BMPR1B: variants seen among roughly 807,000 people sequenced by gnomAD.
The protein encoded by BMPR1B is bone morphogenetic protein receptor type-1B.
Under a neutral mutation model 59.1 loss-of-function variants are expected in BMPR1B, and 12 were observed. The ratio of observed to expected loss-of-function variants is 0.20; its 90% CI spans 0.13 to 0.33. The LOEUF (loss-of-function observed/expected upper bound fraction) is 0.33. BMPR1B is among the 10% of genes least tolerant of loss of function. The pLI, the probability that BMPR1B is intolerant of heterozygous loss-of-function variation, is 1.00. For missense variants in BMPR1B, 550 were observed against 610.9 expected, an observed-to-expected ratio of 0.90 and a Z score of 1.05; for synonymous variants, 237 against 207.3, an observed-to-expected ratio of 1.14 and a Z score of -1.23.
chr4:94,841,487 G>A (rs982674398), intron 1 of BMPR1B, among the ~76,000 whole-genome samples: 3 of 152,184 alleles, frequency 2.0e-5, no homozygotes, highest in South Asian at 2.1e-4. Context: ...TAAGCCGGTC[G>A]GAAAAGCGCA....
intron 2 of BMPR1B, among the ~76,000 whole-genome samples, chr4:94,886,495 A>AT (rs1166446608): frequency 5.3e-5 from 8 of 152,202 alleles, no homozygotes; most frequent in Non-Finnish European, 1.2e-4. Context: ...TTTATGTTGT[A>AT]TATTATGCTA....
At chr4:94,823,099 T>C (rs1287159059) in intron 1 of BMPR1B, among the ~76,000 whole-genome samples, 1 of 152,102 alleles carries the variant, frequency 6.6e-6, no homozygotes, top group Non-Finnish European at 1.5e-5. Context: ...ACTATAAGCT[T>C]TCCTGTTAAC....
intron 2 of BMPR1B, 33 bp downstream of exon 2, chr4:94,875,933 A>G (rs1726709607): frequency 6.6e-6 from 1 of 152,498 alleles, no homozygotes; most frequent in South Asian, 2.1e-4. Flanking sequence ...ATAATTTGAG[A>G]TGTTTGGTAG....
At chr4:94,908,072 AAAAAAAAAAAAAAAAAAAGAAAAAAC>A (rs1468465625) in intron 2 of BMPR1B, among the ~76,000 whole-genome samples, 3 of 128,540 alleles carry the variant, frequency 2.3e-5, no homozygotes, top group Non-Finnish European at 4.8e-5. Flanking sequence ...AAAAAAAAAA[AAAAAAAAAAAAAAAAAAAGAAAAAAC>A]AAAAAAAAGT....
chr4:95,078,669 C>T (rs1040809909), intron 3 of BMPR1B, among the ~76,000 whole-genome samples: 4 of 152,208 alleles, frequency 2.6e-5, no homozygotes, highest in Non-Finnish European at 5.9e-5. Flanking sequence ...TCAGAACCCT[C>T]TCACATGCAT....
intron 1 of BMPR1B, among the ~76,000 whole-genome samples, chr4:94,840,592 G>A (rs1725018362): frequency 1.4e-5 from 2 of 145,144 alleles, no homozygotes; most frequent in African/African-American, 5.1e-5. Flanking sequence ...CGTAGTTCTC[G>A]AGCCTTGGTT....
intron 2 of BMPR1B, among the ~76,000 whole-genome samples, chr4:94,891,155 A>G (rs548584286): frequency 3.7e-4 from 56 of 152,166 alleles, no homozygotes; most frequent in East Asian, 7.7e-4. Flanking sequence ...AGTGGTTAGT[A>G]TTTGTGTGGT....
Position 94,956,806 on chromosome 4 carries a change from AT to A in BMPR1B, c.-112-39224del, listed in dbSNP as rs3839108. 1.2e-3 allele frequency among the ~76,000 whole-genome samples: 181 copies of A among 150,780 alleles called. 1 individual carries two copies. Among genetic ancestry groups the A allele is most frequent in the East Asian group, 2.9e-3 (15 of 5,120 alleles). On this transcript the variant is annotated intron_variant, in intron 2 of 12. Transcript: ENST00000515059. ...CTGTGTTGTTTAAAGAAAGAATTTAATTTTTTTTTTAACTCTTCAAAAAGGC... is the reference window on the plus strand; with the variant it reads ...CTGTGTTGTTTAAAGAAAGAATTTAATTTTTTTTTAACTCTTCAAAAAGGC...
chr4:95,124,171 C>A (rs1361935927), intron 7 of BMPR1B, among the ~76,000 whole-genome samples: 1 of 151,964 alleles, frequency 6.6e-6, no homozygotes, highest in Non-Finnish European at 1.5e-5. Context: ...TTAGAGACTT[C>A]AGAGACTGGT....
intron 3 of BMPR1B, among the ~76,000 whole-genome samples, chr4:95,079,321 A>C (rs2149231703): frequency 6.6e-6 from 1 of 152,216 alleles, no homozygotes; most frequent in South Asian, 2.1e-4. Flanking sequence ...CCTCAAGAAA[A>C]CTTTATCACG....
At chr4:94,983,478 A>G (rs1423280933) in intron 2 of BMPR1B, among the ~76,000 whole-genome samples, 2 of 152,222 alleles carry the variant, frequency 1.3e-5, no homozygotes, top group African/African-American at 4.8e-5. Context: ...TTTTTGCCAA[A>G]AAGTTACATG....
At chr4:95,105,539 C>A (rs1731141417) in intron 4 of BMPR1B, among the ~76,000 whole-genome samples, 1 of 151,696 alleles carries the variant, frequency 6.6e-6, no homozygotes, top group Admixed American at 6.6e-5. Context: ...GAAGCAAAAT[C>A]TAATATAAGC....
intron 1 of BMPR1B, among the ~76,000 whole-genome samples, chr4:94,760,914 A>T (rs1276775637): frequency 6.6e-6 from 1 of 152,198 alleles, no homozygotes; most frequent in East Asian, 1.9e-4. Context: ...GTAATAGCAG[A>T]TCATAGACTT....
At chr4:95,018,140 G>T (rs145549448) in intron 3 of BMPR1B, among the ~76,000 whole-genome samples, 5 of 152,184 alleles carry the variant, frequency 3.3e-5, no homozygotes, top group Admixed American at 3.3e-4. Flanking sequence ...AATTATTAAA[G>T]AATGCATGCT....
At chr4:94,930,382 C>T (rs921834002) in intron 2 of BMPR1B, among the ~76,000 whole-genome samples, 6 of 152,026 alleles carry the variant, frequency 3.9e-5, no homozygotes, top group Admixed American at 6.6e-5. Flanking sequence ...TGGCTGTTCC[C>T]TGGTATTTCA....
chr4:94,901,823 C>T (rs1485028463), intron 2 of BMPR1B, among the ~76,000 whole-genome samples: 4 of 152,006 alleles, frequency 2.6e-5, no homozygotes, highest in Non-Finnish European at 5.9e-5. Context: ...CATAGCTATG[C>T]ATCTGCCCTG....
chr4:94,867,197 A>G (rs1726281197), intron 1 of BMPR1B, among the ~76,000 whole-genome samples: 1 of 152,180 alleles, frequency 6.6e-6, no homozygotes, highest in Non-Finnish European at 1.5e-5. Flanking sequence ...TTCTCTGGAT[A>G]GATACCCCAT....
intron 10 of BMPR1B, among the ~76,000 whole-genome samples, chr4:95,136,995 G>T (rs1733843731): frequency 6.6e-6 from 1 of 152,074 alleles, no homozygotes; most frequent in Admixed American, 6.5e-5. Flanking sequence ...TCTTTTAATT[G>T]TGATGTTAGG....
intron 1 of BMPR1B, among the ~76,000 whole-genome samples, chr4:94,848,899 C>T: frequency 6.6e-6 from 1 of 152,118 alleles, no homozygotes; most frequent in East Asian, 1.9e-4. Flanking sequence ...AAGGATTTTT[C>T]CAGATGACAT....
Sources: gnomAD v4.1 joint callset for allele counts (sites outside exome capture counted in the v4.1 genomes callset) on GRCh38, gnomAD v4.1.1 for gene constraint, MANE v1.5 for transcripts, NCBI Gene and HGNC (gene_info 2026-07-23, HGNC 2026-07-21) for gene names.